Variants in FRMD3 observed in about 807,000 individuals in gnomAD.
FRMD3 encodes the protein FERM domain containing 3.
Under a neutral mutation model 70.2 loss-of-function variants are expected in FRMD3, and 33 were observed. That is an observed-to-expected ratio of 0.47 (90% CI 0.36 to 0.63). The LOEUF is 0.63. FRMD3 is among the 20% of genes least tolerant of loss of function. FRMD3 has a pLI of 0.00. For synonymous variants in FRMD3, 279 were observed against 255.9 expected, an observed-to-expected ratio of 1.09 and a Z score of -0.86; for missense variants, 632 against 711.4, an observed-to-expected ratio of 0.89 and a Z score of 1.27.
At chr9:83,267,608 G>GA (rs1164394022) in intron 13 of FRMD3, among the ~76,000 whole-genome samples, 5 of 151,664 alleles carry the variant, frequency 3.3e-5, no homozygotes, top group Non-Finnish European at 5.9e-5. Flanking sequence ...TTCAAAGAGG[G>GA]AAAAAAAGCA....
chr9:83,496,564 G>A (rs1828947631), intron 1 of FRMD3, among the ~76,000 whole-genome samples: 1 of 152,132 alleles, frequency 6.6e-6, no homozygotes, highest in Non-Finnish European at 1.5e-5. Context: ...TTTGATAAAT[G>A]CCCTGGTGAT....
intron 13 of FRMD3, among the ~76,000 whole-genome samples, chr9:83,280,605 G>A (rs750240409): frequency 7.2e-5 from 11 of 152,070 alleles, no homozygotes; most frequent in East Asian, 1.9e-4. Context: ...GCCCCTTTTC[G>A]TTTTGGTAGA....
intron 13 of FRMD3, among the ~76,000 whole-genome samples, chr9:83,253,981 C>T (rs1471446023): frequency 1.8e-4 from 27 of 151,998 alleles, no homozygotes; most frequent in Non-Finnish European, 2.6e-4. Flanking sequence ...TGGATGAAGC[C>T]GGAAACCATC....
At position 83,335,540 on chromosome 9, in the gene FRMD3, A is replaced by G; in HGVS notation, c.572T>C (p.Val191Ala). Residue 191 changes from valine (V) to alanine (A), a missense_variant, in exon 6 of 14, where the codon GTG (valine) becomes GCG (alanine). Physicochemically the swap from Val to Ala is moderately conservative, Grantham distance 64 (BLOSUM62 0). Transcript: ENST00000304195. Reference protein sequence around the residue: ...KQSQKLERKIVEIHKNELRGQ... With the variant: ...KQSQKLERKIAEIHKNELRGQ... ...CCTGAGTTCATTTTTATGAATTTCC[A>G]CTATTTTTCTTTCCAGCTTCTGTGA... 4 of 1,612,750 alleles carry G rather than the reference A, an allele frequency of 2.5e-6. No individual in the cohort carries two copies. The highest frequency in any genetic ancestry group is 3.4e-6 in the Non-Finnish European group (4 of 1,179,170).
chr9:83,426,854 G>A (rs1431532384), intron 1 of FRMD3, among the ~76,000 whole-genome samples: 2 of 152,220 alleles, frequency 1.3e-5, no homozygotes, highest in Non-Finnish European at 1.5e-5. Flanking sequence ...GGACACCAAG[G>A]AGATCAGGTG....
intron 6 of FRMD3, among the ~76,000 whole-genome samples, chr9:83,330,240 T>C (rs984122573): frequency 2.0e-5 from 3 of 151,770 alleles, no homozygotes; most frequent in African/African-American, 7.3e-5. Context: ...GGCGCATGCC[T>C]GTAGTCCCAG....
chr9:83,309,495 T>A, intron 10 of FRMD3, 41 bp downstream of exon 10: 1 of 1,170,534 alleles, frequency 8.5e-7, no homozygotes, highest in Non-Finnish European at 1.2e-6. Context: ...ATTCCATGGG[T>A]GCTTTTAAAA....
intron 1 of FRMD3, among the ~76,000 whole-genome samples, chr9:83,410,109 A>G (rs1412165538): frequency 6.6e-6 from 1 of 152,228 alleles, no homozygotes; most frequent in Non-Finnish European, 1.5e-5. Context: ...ACATGGAAGA[A>G]CCAGGAAACC....
the FRMD3 span, among the ~76,000 whole-genome samples, chr9:83,552,028 G>A: frequency 6.6e-6 from 1 of 151,766 alleles, no homozygotes; most frequent in Non-Finnish European, 1.5e-5. Context: ...AAATTGATTT[G>A]TTCTTGCTTC....
chr9:83,329,905 A>C (rs1463721994), intron 6 of FRMD3, among the ~76,000 whole-genome samples: 1 of 152,238 alleles, frequency 6.6e-6, no homozygotes, highest in Non-Finnish European at 1.5e-5. Context: ...AAACTCTAGG[A>C]AATACCTCCA....
intron 1 of FRMD3, among the ~76,000 whole-genome samples, chr9:83,532,590 A>G (rs1829811538): frequency 6.6e-6 from 1 of 152,160 alleles, no homozygotes; most frequent in Non-Finnish European, 1.5e-5. Context: ...CTCCTGCATG[A>G]TTAGCCGACA....
At chr9:83,295,532 A>G (rs200150185) in intron 12 of FRMD3, among the ~76,000 whole-genome samples, 1 of 99,890 alleles carries the variant, frequency 1.0e-5, no homozygotes, top group Non-Finnish European at 2.5e-5. Flanking sequence ...AAGCACTTTA[A>G]TACTCATAAC....
chr9:83,252,866 G>T (rs1340538712), intron 13 of FRMD3, among the ~76,000 whole-genome samples: 1 of 152,144 alleles, frequency 6.6e-6, no homozygotes, highest in African/African-American at 2.4e-5. Flanking sequence ...CATAAAGCAA[G>T]TGCTTTATGA....
chr9:83,469,258 T>C (rs889418741), intron 1 of FRMD3, among the ~76,000 whole-genome samples: 2 of 152,198 alleles, frequency 1.3e-5, no homozygotes, highest in Non-Finnish European at 2.9e-5. Flanking sequence ...GAGTGGTAAG[T>C]AGCAGTTCGC....
At chr9:83,498,498 G>T (rs2131508900) in intron 1 of FRMD3, among the ~76,000 whole-genome samples, 1 of 152,246 alleles carries the variant, frequency 6.6e-6, no homozygotes, top group African/African-American at 2.4e-5. Context: ...TAGTTCATGT[G>T]CTCCCCTACA....
intron 3 of FRMD3, among the ~76,000 whole-genome samples, chr9:83,353,886 T>C (rs1824247049): frequency 6.6e-6 from 1 of 152,184 alleles, no homozygotes; most frequent in South Asian, 2.1e-4. Flanking sequence ...TGTACATTCA[T>C]TGCACAAATG....
At chr9:83,293,901 G>A (rs1834551653) in intron 12 of FRMD3, among the ~76,000 whole-genome samples, 1 of 152,162 alleles carries the variant, frequency 6.6e-6, no homozygotes, top group South Asian at 2.1e-4. Flanking sequence ...ACCCAAAGGT[G>A]GATACAACTA....
chr9:83,356,819 T>C (rs1339231377), intron 3 of FRMD3, among the ~76,000 whole-genome samples: 1 of 151,972 alleles, frequency 6.6e-6, no homozygotes, highest in African/African-American at 2.4e-5. Context: ...TGGTGATTTC[T>C]GGGATTTGGG....
chr9:83,283,133 G>A (rs1214393577), intron 13 of FRMD3, among the ~76,000 whole-genome samples: 1 of 152,192 alleles, frequency 6.6e-6, no homozygotes, highest in Non-Finnish European at 1.5e-5. Flanking sequence ...CTGCAAAATA[G>A]GAATCTGCAG....
Sources: gnomAD v4.1 joint callset for allele counts (sites outside exome capture counted in the v4.1 genomes callset) on GRCh38, gnomAD v4.1.1 for gene constraint, MANE v1.5 for transcripts, NCBI Gene and HGNC (gene_info 2026-07-23, HGNC 2026-07-21) for gene names.